Variants in SEMA4D observed in about 807,000 individuals in gnomAD.
SEMA4D encodes semaphorin-4D.
In SEMA4D, 22 loss-of-function variants were observed where a neutral mutation model predicts 74.8. That is an observed-to-expected ratio of 0.29 (90% CI 0.21 to 0.42). The LOEUF (loss-of-function observed/expected upper bound fraction) is 0.42. SEMA4D is among the 10% of genes least tolerant of loss of function. The pLI is 1.00. For synonymous variants in SEMA4D, 445 were observed against 463.7 expected, an observed-to-expected ratio of 0.96 and a Z score of 0.52; for missense variants, 937 against 1,118.4, an observed-to-expected ratio of 0.84 and a Z score of 2.31.
rs143715437 is a variant in SEMA4D at position 89,367,895 on chromosome 9, C to T, written c.1883-3945G>A. The T allele has an allele frequency of 9.3e-3, 1,416 of 152,450 alleles. 10 individuals carry two copies. The highest frequency in any genetic ancestry group is 0.015 in the Admixed American group (222 of 15,310). 9.4% of individuals were successfully genotyped at this position (152,450 alleles called of 1,614,324 possible). A position where few individuals can be genotyped will look rare whatever the true frequency, so the allele number is the denominator to read the frequency against. On this transcript the variant is annotated intron_variant, in intron 16 of 18. Coordinates refer to the SEMA4D transcript ENST00000339861. ...CTGGGGCACCTCCCACCTGCTCACTCCCACCCCAAGCCTCTAACGGAGCCA... is the reference window on the plus strand; with the variant it reads ...CTGGGGCACCTCCCACCTGCTCACTTCCACCCCAAGCCTCTAACGGAGCCA...
intron 2 of SEMA4D, among the ~76,000 whole-genome samples, chr9:89,425,066 G>GC (rs1243593156): frequency 2.0e-5 from 3 of 152,108 alleles, no homozygotes; most frequent in Admixed American, 2.0e-4. Context: ...TCTAGACCCA[G>GC]CCCCCCAGAT....
At chr9:89,372,396 GGTGT>G (rs146412185), downstream of SEMA4D, among the ~76,000 whole-genome samples, 1 of 146,260 alleles carries the variant, frequency 6.8e-6, no homozygotes, top group African/African-American at 2.6e-5. Context: ...GTGTGTCGGG[GGTGT>G]GTGTGTGTCT....
intron 1 of SEMA4D, among the ~76,000 whole-genome samples, chr9:89,481,162 C>A (rs903827382): frequency 3.3e-5 from 5 of 152,238 alleles, no homozygotes; most frequent in Non-Finnish European, 7.3e-5. Context: ...GAGACAGAAA[C>A]TGTGAAGCTG....
At chr9:89,391,546 A>G in intron 8 of SEMA4D, 131 bp from the exon 9 acceptor site, 2 of 808,522 alleles carry the variant, frequency 2.5e-6, no homozygotes, top group Non-Finnish European at 2.0e-6. Context: ...TGGAGTGTGC[A>G]CATGCCACAA....
chr9:89,426,317 G>C (rs1281589529), intron 2 of SEMA4D, among the ~76,000 whole-genome samples: 1 of 152,206 alleles, frequency 6.6e-6, no homozygotes, highest in Admixed American at 6.5e-5. Flanking sequence ...CACTTTCCTT[G>C]CTTTCATCTT....
downstream of SEMA4D, among the ~76,000 whole-genome samples, chr9:89,372,860 C>T (rs1835300993): frequency 6.6e-6 from 1 of 152,060 alleles, no homozygotes. Flanking sequence ...TTCTCAGGAC[C>T]GTCCCATCCT....
intron 2 of SEMA4D, among the ~76,000 whole-genome samples, chr9:89,432,902 T>A (rs901625836): frequency 6.6e-6 from 1 of 152,230 alleles, no homozygotes; most frequent in African/African-American, 2.4e-5. Flanking sequence ...AAGAGACGTG[T>A]ACACTCATAT....
At chr9:89,488,483 C>T (rs1825376844) in intron 1 of SEMA4D, among the ~76,000 whole-genome samples, 1 of 147,872 alleles carries the variant, frequency 6.8e-6, no homozygotes, top group South Asian at 2.1e-4. Context: ...AGTGATTCTC[C>T]TGCCTCAGGC....
intron 2 of SEMA4D, chr9:89,450,660 G>GGAAAA (rs1491451024): frequency 0.012 from 5,297 of 428,636 alleles, 494 homozygotes; most frequent in Non-Finnish European, 0.015. Flanking sequence ...AAAAACCCAG[G>GGAAAA]AAAAAAAAAA....
chr9:89,380,675 C>G (rs1836830186), intron 15 of SEMA4D, among the ~76,000 whole-genome samples: 1 of 152,174 alleles, frequency 6.6e-6, no homozygotes, highest in Admixed American at 6.5e-5. Context: ...GCGGGTGAAT[C>G]CCAGGTGGGA....
At chr9:89,480,530 G>A (rs1383121920) in intron 1 of SEMA4D, among the ~76,000 whole-genome samples, 1 of 152,224 alleles carries the variant, frequency 6.6e-6, no homozygotes, top group Non-Finnish European at 1.5e-5. Flanking sequence ...GGAGGCTCAG[G>A]CATGGCGGGC....
At chr9:89,488,694 C>A (rs1825394218) in intron 1 of SEMA4D, among the ~76,000 whole-genome samples, 1 of 152,082 alleles carries the variant, frequency 6.6e-6, no homozygotes, top group African/African-American at 2.4e-5. Context: ...CAGATCTAAA[C>A]ATAAAAGCTA....
At chr9:89,473,945 C>T (rs1861111046) in intron 1 of SEMA4D, among the ~76,000 whole-genome samples, 1 of 152,186 alleles carries the variant, frequency 6.6e-6, no homozygotes, top group African/African-American at 2.4e-5. Context: ...GCTGGTCAAT[C>T]AGTGACAGAA....
intron 16 of SEMA4D, among the ~76,000 whole-genome samples, chr9:89,370,215 G>A (rs1040887147): frequency 6.6e-6 from 1 of 151,242 alleles, no homozygotes; most frequent in Non-Finnish European, 1.5e-5. Context: ...TTTGGTGTAT[G>A]TGATGTTTTG....
intron 2 of SEMA4D, chr9:89,449,935 T>G: frequency 6.7e-7 from 1 of 1,484,774 alleles, no homozygotes; most frequent in Non-Finnish European, 9.4e-7. Flanking sequence ...CGTACTTTTC[T>G]GACTGATGTA....
intron 4 of SEMA4D, among the ~76,000 whole-genome samples, chr9:89,402,535 G>A (rs527513874): frequency 6.7e-4 from 102 of 152,204 alleles, no homozygotes; most frequent in African/African-American, 2.3e-3. Context: ...ATGTGGTGTC[G>A]GGATCTGCCT....
At chr9:89,363,827 A>G in exon 17 of SEMA4D, 1 of 1,614,136 alleles carries the variant, frequency 6.2e-7, no homozygotes, top group Non-Finnish European at 8.5e-7. Flanking sequence ...GCTTTCCCTG[A>G]TGGCGTCCTG....
intron 1 of SEMA4D, among the ~76,000 whole-genome samples, chr9:89,471,851 T>C (rs111649350): frequency 0.092 from 9,477 of 102,990 alleles, 444 homozygotes; most frequent in East Asian, 0.18. Flanking sequence ...CTCAGGTGCA[T>C]GCCAACTCAG....
chr9:89,431,925 TC>T (rs1303688285), intron 2 of SEMA4D, among the ~76,000 whole-genome samples: 1 of 152,168 alleles, frequency 6.6e-6, no homozygotes, highest in Non-Finnish European at 1.5e-5. Flanking sequence ...ATCCATACAG[TC>T]AAGGCCCCAA....
Sources: gnomAD v4.1 joint callset for allele counts (sites outside exome capture counted in the v4.1 genomes callset) on GRCh38, gnomAD v4.1.1 for gene constraint, MANE v1.5 for transcripts, NCBI Gene and HGNC (gene_info 2026-07-23, HGNC 2026-07-21) for gene names.